Variants in GREM2 observed in about 807,000 individuals in gnomAD.
GREM2 encodes the protein gremlin 2, DAN family BMP antagonist.
A neutral mutation model predicts 14.2 loss-of-function variants in GREM2; 11 were observed. The ratio of observed to expected loss-of-function variants is 0.78; its 90% CI spans 0.49 to 1.28. The LOEUF (loss-of-function observed/expected upper bound fraction) is 1.28, where lower values mean the gene tolerates loss of function less well. GREM2 is among the 50% of genes most tolerant of loss of function. GREM2 has a pLI of 0.00. For synonymous variants in GREM2, 98 were observed against 97.6 expected, an observed-to-expected ratio of 1.00 and a Z score of -0.02; for missense variants, 210 against 218.5, an observed-to-expected ratio of 0.96 and a Z score of 0.24.
At chr1:240,526,648 CTT>C (rs1678228906) in intron 1 of GREM2, among the ~76,000 whole-genome samples, 1 of 152,176 alleles carries the variant, frequency 6.6e-6, no homozygotes, top group East Asian at 1.9e-4. Flanking sequence ...CCCCATCTGT[CTT>C]TGAGGCAATT....
intron 1 of GREM2, among the ~76,000 whole-genome samples, chr1:240,507,611 G>T (rs900312056): frequency 3.9e-5 from 6 of 152,246 alleles, no homozygotes; most frequent in African/African-American, 1.2e-4. Context: ...GAGATTATAG[G>T]CATAAGCCAC....
intron 1 of GREM2, among the ~76,000 whole-genome samples, chr1:240,517,799 T>C (rs970705662): frequency 9.9e-5 from 15 of 152,114 alleles, no homozygotes; most frequent in African/African-American, 3.6e-4. Context: ...ATTCCAGAAC[T>C]CTCCTGGTCA....
At chr1:240,564,204 T>C (rs1463957690) in intron 1 of GREM2, among the ~76,000 whole-genome samples, 1 of 151,930 alleles carries the variant, frequency 6.6e-6, no homozygotes, top group Non-Finnish European at 1.5e-5. Context: ...TGAAACCCTG[T>C]CTCAAAAATA....
chr1:240,531,443 G>A lies in GREM2; in HGVS notation c.-1-37967C>T, dbSNP rs530591180. Among the ~76,000 whole-genome samples, 23 of 152,272 alleles carry A rather than the reference G, an allele frequency of 1.5e-4. 1 individual carries two copies. In the East Asian group the frequency reaches 2.7e-3, roughly 18 times the overall value. On this transcript the variant is annotated intron_variant, in intron 1 of 1. Coordinates refer to ENST00000318160, the MANE Select transcript of GREM2 (RefSeq NM_022469.4). ...AGCTGCATGTCAGCCTGGGAAATGC[G>A]TCCGTCTCAAGTTAAGGTTTACAGT...
At chr1:240,600,291 C>G (rs1679897407) in intron 1 of GREM2, among the ~76,000 whole-genome samples, 1 of 152,064 alleles carries the variant, frequency 6.6e-6, no homozygotes, top group Non-Finnish European at 1.5e-5. Context: ...CAACATGTAT[C>G]ATGGAGTGGA....
At chr1:240,608,962 A>G (rs1222102549) in intron 1 of GREM2, among the ~76,000 whole-genome samples, 3 of 152,136 alleles carry the variant, frequency 2.0e-5, no homozygotes, top group Admixed American at 6.6e-5. Context: ...GTTACAGTAC[A>G]TCAAATGCAT....
At position 240,492,260 on chromosome 1, in the gene GREM2, C is replaced by A. The variant is rs11587912; in HGVS notation, c.*709G>T. ...TCATCTTTAGTCCACAAATAGGGGGCGGGGACAGTGAGGAAGAAGAGGCGG... is the reference window on the plus strand; with the variant it reads ...TCATCTTTAGTCCACAAATAGGGGGAGGGGACAGTGAGGAAGAAGAGGCGG... On this transcript the variant is annotated 3_prime_UTR_variant, in exon 2 of 2. Transcript: ENST00000318160. The A allele has an allele frequency of 0.05, 22,503 of 445,954 alleles. 653 individuals carry two copies. The highest frequency in any genetic ancestry group is 0.1 in the Middle Eastern group (305 of 3,030). 27.6% of individuals were successfully genotyped at this position (445,954 alleles called of 1,614,324 possible). A position where few individuals can be genotyped will look rare whatever the true frequency, so the allele number is the denominator to read the frequency against.
intron 1 of GREM2, among the ~76,000 whole-genome samples, chr1:240,544,969 G>A (rs1237405208): frequency 6.6e-6 from 1 of 152,202 alleles, no homozygotes; most frequent in Non-Finnish European, 1.5e-5. Flanking sequence ...TTGTGATATT[G>A]TGAAATACAT....
intron 1 of GREM2, among the ~76,000 whole-genome samples, chr1:240,526,600 T>C (rs1012110632): frequency 2.0e-5 from 3 of 152,206 alleles, no homozygotes; most frequent in Non-Finnish European, 4.4e-5. Flanking sequence ...TACTTTGATT[T>C]AAATATTCTA....
chr1:240,581,174 G>A (rs1405966898), intron 1 of GREM2, among the ~76,000 whole-genome samples: 2 of 151,746 alleles, frequency 1.3e-5, no homozygotes, highest in African/African-American at 2.4e-5. Context: ...CGCTCAAATG[G>A]GTGAGGTGGA....
At position 240,492,763 on chromosome 1, in the gene GREM2, C is replaced by T; in HGVS notation, c.*206G>A. 2 of 415,168 alleles carry T rather than the reference C, an allele frequency of 4.8e-6. No individual in the cohort carries two copies. The highest frequency in any genetic ancestry group is 4.7e-5 in the Admixed American group (1 of 21,378). 25.7% of individuals were successfully genotyped at this position (415,168 alleles called of 1,614,324 possible). On this transcript the variant is annotated 3_prime_UTR_variant, in exon 2 of 2. Coordinates refer to ENST00000318160, the MANE Select transcript of GREM2 (RefSeq NM_022469.4). ...TGGTTTAGGGGGCACAGGTGGGACCCGGGGTCGGTCAGGAACACATCAGCA... is the reference window on the plus strand; with the variant it reads ...TGGTTTAGGGGGCACAGGTGGGACCTGGGGTCGGTCAGGAACACATCAGCA...
intron 1 of GREM2, chr1:240,588,761 C>G (rs773548762): frequency 1.3e-5 from 2 of 152,044 alleles, no homozygotes; most frequent in African/African-American, 4.8e-5. Context: ...GTTTAGGAAG[C>G]CTAAAGCTTA....
chr1:240,539,217 C>T (rs1678538105), intron 1 of GREM2, among the ~76,000 whole-genome samples: 1 of 152,190 alleles, frequency 6.6e-6, no homozygotes, highest in Admixed American at 6.5e-5. Flanking sequence ...AAAAGCCCTA[C>T]ACATGCCAAA....
At chr1:240,601,992 C>T (rs1239854848) in intron 1 of GREM2, among the ~76,000 whole-genome samples, 8 of 152,040 alleles carry the variant, frequency 5.3e-5, no homozygotes, top group Admixed American at 5.2e-4. Flanking sequence ...CCTCTCTTGC[C>T]CCCCTGCCTA....
At chr1:240,603,682 T>A (rs1467784887) in intron 1 of GREM2, among the ~76,000 whole-genome samples, 1 of 152,174 alleles carries the variant, frequency 6.6e-6, no homozygotes, top group African/African-American at 2.4e-5. Flanking sequence ...TGAACCTTAA[T>A]GATTCCTTCT....
intron 1 of GREM2, among the ~76,000 whole-genome samples, chr1:240,585,089 C>T (rs376727703): frequency 6.6e-6 from 1 of 152,152 alleles, no homozygotes; most frequent in African/African-American, 2.4e-5. Flanking sequence ...ATTCAGGCTC[C>T]TTATCAACTG....
chr1:240,521,161 A>G (rs890601501), intron 1 of GREM2, among the ~76,000 whole-genome samples: 2 of 151,906 alleles, frequency 1.3e-5, no homozygotes, highest in African/African-American at 4.8e-5. Flanking sequence ...AAGGCTTTAT[A>G]TTTTCCTGGT....
intron 1 of GREM2, among the ~76,000 whole-genome samples, chr1:240,546,332 G>A (rs1211130335): frequency 1.5e-5 from 2 of 133,538 alleles, no homozygotes; most frequent in Non-Finnish European, 3.1e-5. Context: ...GAGTAAGGGA[G>A]ACTCAGTCTA....
intron 1 of GREM2, among the ~76,000 whole-genome samples, chr1:240,608,639 G>T (rs1262328133): frequency 1.3e-5 from 2 of 152,220 alleles, no homozygotes. Flanking sequence ...GTGTTCCCCT[G>T]CTTGAATAGG....
Sources: gnomAD v4.1 joint callset for allele counts (sites outside exome capture counted in the v4.1 genomes callset) on GRCh38, gnomAD v4.1.1 for gene constraint, MANE v1.5 for transcripts, NCBI Gene and HGNC (gene_info 2026-07-23, HGNC 2026-07-21) for gene names.